L3MBTL4: variants seen among roughly 807,000 people sequenced by gnomAD.
L3MBTL4 encodes L3MBTL histone methyl-lysine binding protein 4.
Under a neutral mutation model 84.5 loss-of-function variants are expected in L3MBTL4, and 70 were observed. The observed-to-expected ratio is 0.83, with a 90% CI of 0.68 to 1.01. The LOEUF is 1.01. Among genes scored for constraint, L3MBTL4 ranks in the 50% least tolerant of loss-of-function variants. L3MBTL4 has a pLI of 0.00. For synonymous variants in L3MBTL4, 274 were observed against 259.8 expected, an observed-to-expected ratio of 1.05 and a Z score of -0.52; for missense variants, 715 against 754.8, an observed-to-expected ratio of 0.95 and a Z score of 0.62.
chr18:6,213,064 AG>A, intron 12 of L3MBTL4, 84 bp downstream of exon 12: 1 of 703,858 alleles, frequency 1.4e-6, no homozygotes, highest in Non-Finnish European at 2.3e-6. Context: ...AAAACGAGAA[AG>A]GTTCAGAGAA....
chr18:5,969,344 C>A (rs1209788612), intron 17 of L3MBTL4, 49 bp downstream of exon 17: 2 of 1,606,036 alleles, frequency 1.2e-6, no homozygotes, highest in Non-Finnish European at 1.7e-6. Context: ...CCGCCTATTT[C>A]TCAGCAGCAG....
chr18:6,133,388 G>A (rs2059933554), intron 14 of L3MBTL4, among the ~76,000 whole-genome samples: 1 of 151,216 alleles, frequency 6.6e-6, no homozygotes, highest in South Asian at 2.1e-4. Context: ...AAGGCCTGAG[G>A]AAGATGATCT....
chr18:6,336,030 T>C (rs1227623359), intron 1 of L3MBTL4, among the ~76,000 whole-genome samples: 1 of 152,150 alleles, frequency 6.6e-6, no homozygotes, highest in Non-Finnish European at 1.5e-5. Flanking sequence ...AGGTCACAAG[T>C]AGTCACAGGC....
At position 6,376,218 on chromosome 18, in the gene L3MBTL4, A is replaced by G. The variant is rs116816014; in HGVS notation, c.-91+38583T>C. ...TGTGCACTCACTGCAGCCCACCTGG[A>G]GCACGGCACCCAAATCCTTGCAGGG... On this transcript the variant is annotated intron_variant, in intron 1 of 18. Coordinates refer to ENST00000317931, the MANE Select transcript of L3MBTL4 (RefSeq NM_001330559.2). Among the ~76,000 whole-genome samples the G allele has an allele frequency of 5.1e-3, 775 of 152,284 alleles. 6 individuals are homozygous for G. Among genetic ancestry groups the G allele is most frequent in the African/African-American group, 0.018 (731 of 41,558 alleles).
At chr18:6,385,210 TG>T (rs920237091) in intron 1 of L3MBTL4, among the ~76,000 whole-genome samples, 56 of 152,128 alleles carry the variant, frequency 3.7e-4, no homozygotes, top group African/African-American at 1.3e-3. Context: ...GAGACCAGCC[TG>T]GGCAACACAG....
At chr18:6,144,196 CAAAAAAA>C (rs35746580) in intron 13 of L3MBTL4, among the ~76,000 whole-genome samples, 19 of 58,082 alleles carry the variant, frequency 3.3e-4, no homozygotes, top group Non-Finnish European at 2.4e-4. Context: ...ACTCCATCTC[CAAAAAAA>C]AAAAAAAAAA....
At chr18:6,217,205 A>T (rs74762002) in intron 10 of L3MBTL4, among the ~76,000 whole-genome samples, 5,352 of 152,292 alleles carry the variant, frequency 0.035, 324 homozygotes, top group African/African-American at 0.12. Flanking sequence ...CTAGCATACC[A>T]GCATAACCAG....
At chr18:6,233,297 A>G (rs1262409729) in intron 10 of L3MBTL4, among the ~76,000 whole-genome samples, 1 of 150,156 alleles carries the variant, frequency 6.7e-6, no homozygotes, top group Non-Finnish European at 1.5e-5. Flanking sequence ...CCTATTCAAC[A>G]TAGTGTTGGA....
At chr18:6,008,904 C>A (rs550605297) in intron 16 of L3MBTL4, among the ~76,000 whole-genome samples, 3 of 152,284 alleles carry the variant, frequency 2.0e-5, no homozygotes, top group African/African-American at 7.2e-5. Context: ...AAATGGAGAG[C>A]CTCTCCTACT....
At chr18:6,346,859 A>G (rs905637838) in intron 1 of L3MBTL4, among the ~76,000 whole-genome samples, 8 of 152,160 alleles carry the variant, frequency 5.3e-5, no homozygotes, top group African/African-American at 1.9e-4. Context: ...TCAGTATCCA[A>G]AGAAATATTT....
intron 14 of L3MBTL4, among the ~76,000 whole-genome samples, chr18:6,100,401 G>T (rs1217881296): frequency 6.6e-6 from 1 of 152,004 alleles, no homozygotes; most frequent in African/African-American, 2.4e-5. Context: ...TCTGTCATTT[G>T]TTTCATATTT....
At chr18:6,412,806 G>A (rs1445031600) in intron 1 of L3MBTL4, among the ~76,000 whole-genome samples, 1 of 152,042 alleles carries the variant, frequency 6.6e-6, no homozygotes, top group African/African-American at 2.4e-5. Flanking sequence ...AAACCACACA[G>A]GTACTGTAAT....
intron 16 of L3MBTL4, among the ~76,000 whole-genome samples, chr18:6,028,279 C>A (rs12606640): frequency 0.031 from 4,723 of 152,230 alleles, 102 homozygotes; most frequent in South Asian, 0.07. Context: ...TTCCCAGCAC[C>A]ATTTATTAAA....
chr18:6,163,572 A>C (rs749097457), intron 13 of L3MBTL4, among the ~76,000 whole-genome samples: 31 of 152,198 alleles, frequency 2.0e-4, no homozygotes, highest in Non-Finnish European at 1.2e-4. Flanking sequence ...ACAGCCAATT[A>C]CAAGTTGTCT....
At chr18:6,327,322 G>C (rs1313302815) in intron 1 of L3MBTL4, among the ~76,000 whole-genome samples, 1 of 152,140 alleles carries the variant, frequency 6.6e-6, no homozygotes, top group Non-Finnish European at 1.5e-5. Context: ...AATGTTTATC[G>C]TGGCTTTTGT....
At chr18:6,141,748 G>A (rs2060201776) in intron 13 of L3MBTL4, among the ~76,000 whole-genome samples, 1 of 152,226 alleles carries the variant, frequency 6.6e-6, no homozygotes, top group Non-Finnish European at 1.5e-5. Flanking sequence ...GAAGAATTGC[G>A]ATAGCCATTC....
intron 1 of L3MBTL4, among the ~76,000 whole-genome samples, chr18:6,314,466 C>T (rs1039750393): frequency 5.9e-5 from 9 of 152,134 alleles, no homozygotes; most frequent in South Asian, 4.1e-4. Context: ...TGACAATGCC[C>T]GAGCACCACC....
intron 12 of L3MBTL4, among the ~76,000 whole-genome samples, chr18:6,175,360 A>G (rs978986102): frequency 6.6e-6 from 1 of 152,182 alleles, no homozygotes; most frequent in African/African-American, 2.4e-5. Context: ...AAAAAAGACT[A>G]AAACAGAGAA....
At position 5,978,388 on chromosome 18, in the gene L3MBTL4, T is replaced by C. The variant is rs140140377; in HGVS notation, c.1445-8826A>G. 7.0e-3 allele frequency among the ~76,000 whole-genome samples: 1,065 copies of C among 152,318 alleles called. 5 individuals are homozygous for C. Among genetic ancestry groups the C allele is most frequent in the Non-Finnish European group, 0.01 (695 of 68,028 alleles). ...ATGGCTAGAGAGCAATCTTTTAGTT[T>C]ATTATCTGCTTCACACAGCTTGAGA... On this transcript the variant is annotated intron_variant, in intron 16 of 18. Transcript: ENST00000317931.
Sources: allele counts gnomAD v4.1 joint callset (sites outside exome capture counted in the v4.1 genomes callset), GRCh38; gene constraint gnomAD v4.1.1; transcripts MANE v1.5; gene names NCBI Gene and HGNC (gene_info 2026-07-23, HGNC 2026-07-21).